UNC13B: variants seen among roughly 807,000 people sequenced by gnomAD.
UNC13B encodes the protein protein unc-13 homolog B.
In UNC13B, 144 loss-of-function variants were observed where a neutral mutation model predicts 211.0. The observed-to-expected ratio is 0.68, with a 90% CI of 0.60 to 0.78. The LOEUF (loss-of-function observed/expected upper bound fraction) is 0.78. Among genes scored for constraint, UNC13B ranks in the 30% least tolerant of loss-of-function variants. UNC13B has a pLI of 0.00. For missense variants in UNC13B, 1,777 were observed against 2,002.0 expected (o/e 0.89, Z 2.14); for synonymous variants, 709 against 725.8 (o/e 0.98, Z 0.37).
Position 35,234,935 on chromosome 9 carries a change from T to C in UNC13B, c.153-1534T>C, listed in dbSNP as rs143160589. 7.1e-3 allele frequency among the ~76,000 whole-genome samples: 1,074 copies of C among 152,304 alleles called. 11 individuals are homozygous for C. The highest frequency in any genetic ancestry group is 0.024 in the African/African-American group (1,000 of 41,554). ...ACTTGAAGCTTCTACTTGTGATAAA[T>C]AGCTGTTGTTTTCCTGAGAATGCCT... On this transcript the variant is annotated intron_variant, in intron 3 of 39. Transcript: ENST00000635942.
intron 23 of UNC13B, 134 bp downstream of exon 23, chr9:35,385,947 T>C: frequency 7.2e-7 from 1 of 1,388,588 alleles, no homozygotes; most frequent in Non-Finnish European, 9.8e-7. Flanking sequence ...TGTGTACCTG[T>C]TCCCTGGGTT....
intron 1 of UNC13B, among the ~76,000 whole-genome samples, chr9:35,208,184 C>T (rs1289950108): frequency 6.6e-6 from 1 of 152,208 alleles, no homozygotes; most frequent in African/African-American, 2.4e-5. Context: ...CCTGCCATCC[C>T]TGCTGTTTGT....
rs1829832652 is a variant in UNC13B, at chr9:35,304,450, G to T, written c.5046G>T (p.Gln1682His). Residue 1682 changes from glutamine (Q) to histidine (H), a missense_variant, in exon 9 of 40, where the codon CAG (glutamine) becomes CAT (histidine). By Grantham distance (24) the Gln-to-His change is conservative (BLOSUM62 0). Transcript: ENST00000635942. ...AATGTACATTAGATCTCAGAAATCA[G>T]CCCCAAACTATTAGTAATCATGTCT... ...DAECTLDLRNQPQTISNHVSS... is the reference protein window; with the variant it reads ...DAECTLDLRNHPQTISNHVSS... 2.5e-6 allele frequency: 1 copy of T among 398,568 alleles called. No homozygotes were observed. The highest frequency in any genetic ancestry group is 4.4e-6 in the Non-Finnish European group (1 of 225,852). 24.7% of individuals were successfully genotyped at this position (398,568 alleles called of 1,614,324 possible). A position where few individuals can be genotyped will look rare whatever the true frequency, so the allele number is the denominator to read the frequency against.
intron 11 of UNC13B, among the ~76,000 whole-genome samples, chr9:35,330,902 A>C (rs767884328): frequency 1.6e-4 from 24 of 152,172 alleles, no homozygotes; most frequent in African/African-American, 5.8e-4. Context: ...AATGTCATCA[A>C]CCTGTCCAGA....
intron 7 of UNC13B, among the ~76,000 whole-genome samples, chr9:35,281,020 C>A (rs1339689086): frequency 6.6e-6 from 1 of 152,044 alleles, no homozygotes; most frequent in African/African-American, 2.4e-5. Context: ...GAGGCTGAGG[C>A]GGGTGGATCA....
At chr9:35,324,367 A>G (rs1467838837) in intron 11 of UNC13B, among the ~76,000 whole-genome samples, 1 of 152,206 alleles carries the variant, frequency 6.6e-6, no homozygotes, top group Non-Finnish European at 1.5e-5. Context: ...ACTTCTCAGA[A>G]ACTTCAGTAT....
At position 35,225,390 on chromosome 9, in the gene UNC13B, A is replaced by G. The variant is rs116743763; in HGVS notation, c.23-2625A>G. Among the ~76,000 whole-genome samples the G allele has an allele frequency of 3.9e-3, 588 of 152,244 alleles. 6 individuals are homozygous for G. Among genetic ancestry groups the G allele is most frequent in the African/African-American group, 0.013 (559 of 41,540 alleles). On this transcript the variant is annotated intron_variant, in intron 1 of 39. Coordinates refer to ENST00000635942, the MANE Select transcript of UNC13B (RefSeq NM_001371189.2). ...GGCCAAGCTGGTCTCGAATTCCTTA[A>G]GTGATCCACCCACTTTGGCCTCCCA...
chr9:35,402,396 C>T (rs1836376366), intron 37 of UNC13B, among the ~76,000 whole-genome samples: 1 of 151,956 alleles, frequency 6.6e-6, no homozygotes, highest in Non-Finnish European at 1.5e-5. Flanking sequence ...ATTGTTCTGC[C>T]TCAGCCTCCC....
At chr9:35,266,141 C>A (rs187290029) in intron 7 of UNC13B, among the ~76,000 whole-genome samples, 45 of 152,304 alleles carry the variant, frequency 3.0e-4, no homozygotes, top group African/African-American at 1.1e-3. Flanking sequence ...TGCTCTCTCT[C>A]TGTGACTTTG....
rs1165876329 is a variant in UNC13B at position 35,301,800 on chromosome 9, A to T, written c.2396A>T (p.Lys799Ile). The T allele has an allele frequency of 2.5e-6, 1 of 398,758 alleles. No individual in the cohort carries two copies. The highest frequency in any genetic ancestry group is 4.4e-5 in the Admixed American group (1 of 22,710). 24.7% of individuals were successfully genotyped at this position (398,758 alleles called of 1,614,324 possible). ...EVFSKPLEED[K>I]VTGNDDFLEP... The stretch of plus-strand genomic sequence containing the variant: ...TTTTCAAAGCCATTAGAGGAGGACA[A>T]AGTTACAGGTAATGATGATTTCCTT... The change falls in exon 9 of 40, where the codon AAA becomes ATA. Residue 799 changes from lysine (K) to isoleucine (I), a missense_variant. Lys to Ile is a moderately radical substitution (Grantham distance 102). Transcript: ENST00000635942.
intron 7 of UNC13B, among the ~76,000 whole-genome samples, chr9:35,270,114 C>T (rs1409004141): frequency 6.6e-6 from 1 of 152,144 alleles, no homozygotes; most frequent in Non-Finnish European, 1.5e-5. Flanking sequence ...TAGAATAAGT[C>T]ATTTCTCCAA....
At chr9:35,231,038 A>G in intron 2 of UNC13B, 82 bp from the exon 3 acceptor site, 1 of 873,372 alleles carries the variant, frequency 1.1e-6, no homozygotes, top group East Asian at 2.6e-5. Flanking sequence ...TAATTTCTAT[A>G]TTGCTTAATT....
At chr9:35,292,976 T>G (rs912935586) in intron 7 of UNC13B, among the ~76,000 whole-genome samples, 1 of 152,228 alleles carries the variant, frequency 6.6e-6, no homozygotes, top group African/African-American at 2.4e-5. Context: ...TAATTCAAAT[T>G]GAAGTGTTAC....
intron 36 of UNC13B, among the ~76,000 whole-genome samples, chr9:35,400,094 C>T (rs756281997): frequency 1.3e-5 from 2 of 152,120 alleles, no homozygotes; most frequent in Non-Finnish European, 2.9e-5. Context: ...CAAACACTGC[C>T]GTACCTCCAG....
chr9:35,260,787 A>G (rs1408457730), intron 7 of UNC13B, among the ~76,000 whole-genome samples: 1 of 152,176 alleles, frequency 6.6e-6, no homozygotes, highest in African/African-American at 2.4e-5. Flanking sequence ...TTCAAAACTC[A>G]TTGTAATGAG....
chr9:35,238,823 G>T (rs1288986826), intron 5 of UNC13B, among the ~76,000 whole-genome samples: 1 of 151,830 alleles, frequency 6.6e-6, no homozygotes, highest in Non-Finnish European at 1.5e-5. Flanking sequence ...TTCCTAAAGT[G>T]CTGGAATTAC....
chr9:35,390,552 G>C, intron 25 of UNC13B, 77 bp from the exon 26 acceptor site: 1 of 1,488,312 alleles, frequency 6.7e-7, no homozygotes, highest in Admixed American at 1.7e-5. Context: ...CCAAGAACTA[G>C]GCACTTTAGC....
chr9:35,243,358 C>T lies in UNC13B; in HGVS notation c.462C>T (p.Asp154=), dbSNP rs1371343646. 1 of 1,613,290 alleles carries T rather than the reference C, an allele frequency of 6.2e-7. No individual in the cohort carries two copies. Among genetic ancestry groups the T allele is most frequent in the African/African-American group, 1.3e-5 (1 of 74,852 alleles). ...AGCAAATCAATGCCTTGGGAGCTGA[C>T]AATGAGGTAGGAGCAGCCTTATTTG... ...KWEQINALGA[D]NEYSSQEESQ... Residue 154 remains aspartate, a synonymous_variant, in exon 6 of 40, where the codon GAC becomes GAT. Transcript: ENST00000635942.
intron 6 of UNC13B, among the ~76,000 whole-genome samples, chr9:35,245,064 A>T (rs1826010256): frequency 6.6e-6 from 1 of 150,452 alleles, no homozygotes; most frequent in Non-Finnish European, 1.5e-5. Context: ...CTTTGCATGT[A>T]CTTTACTTTG....
Sources: allele counts gnomAD v4.1 joint callset (sites outside exome capture counted in the v4.1 genomes callset), GRCh38; gene constraint gnomAD v4.1.1; transcripts MANE v1.5; gene names NCBI Gene and HGNC (gene_info 2026-07-23, HGNC 2026-07-21).